KAZN: variants seen among roughly 807,000 people sequenced by gnomAD.
KAZN encodes kazrin.
A neutral mutation model predicts 87.4 loss-of-function variants in KAZN; 40 were observed. The ratio of observed to expected loss-of-function variants is 0.46; its 90% confidence interval spans 0.36 to 0.60. The LOEUF is 0.60. KAZN is among the 20% of genes least tolerant of loss of function. KAZN has a pLI of 0.00. For synonymous variants in KAZN, 466 were observed against 458.3 expected (o/e 1.02, Z -0.22); for missense variants, 898 against 1,073.9 (o/e 0.84, Z 2.29).
chr1:14,743,883 G>C (rs1162277797), intron 1 of KAZN, among the ~76,000 whole-genome samples: 1 of 152,124 alleles, frequency 6.6e-6, no homozygotes, highest in East Asian at 1.9e-4. Context: ...TGGAGACAGG[G>C]GCCCATCCAT....
At chr1:14,665,291 C>CT (rs36089759) in intron 1 of KAZN, among the ~76,000 whole-genome samples, 34,132 of 147,696 alleles carry the variant, frequency 0.23, 4,087 homozygotes, top group South Asian at 0.31. Context: ...GTGGCTGCCT[C>CT]TTTTTTTTTT....
chr1:14,263,309 C>T (rs540825219), intron 2 of KAZN, among the ~76,000 whole-genome samples: 3 of 152,246 alleles, frequency 2.0e-5, no homozygotes, highest in African/African-American at 7.2e-5. Flanking sequence ...TGTAACAACT[C>T]GAAAGATGAT....
chr1:15,064,018 G>A (rs555015517), intron 7 of KAZN, among the ~76,000 whole-genome samples: 4 of 152,348 alleles, frequency 2.6e-5, no homozygotes, highest in Admixed American at 6.5e-5. Flanking sequence ...CATGTCCTCC[G>A]TCCTGATGCC....
In KAZN at chr1:14,883,344, A is replaced by AG. The variant is rs1557586164; in HGVS notation, c.227-77340_227-77339insG. Among the ~76,000 whole-genome samples the AG allele has an allele frequency of 3.3e-3, 98 of 29,672 alleles. 19 individuals carry two copies. Among genetic ancestry groups the AG allele is most frequent in the Admixed American group, 6.1e-3 (12 of 1,976 alleles). 19.5% of individuals were successfully genotyped at this position (29,672 alleles called of 152,430 possible). A position where few individuals can be genotyped will look rare whatever the true frequency, so the allele number is the denominator to read the frequency against. ...AGAGAGAGAGAGAGAGAGAGAGAGA[A>AG]AGAAAGAAAGAAAAGAAAGAAAGAA... On this transcript the variant is annotated intron_variant, in intron 1 of 14. Coordinates refer to ENST00000376030, the MANE Select transcript of KAZN (RefSeq NM_201628.3).
In KAZN at chr1:14,306,205, A is replaced by G. The variant is rs185029621; in HGVS notation, c.249+125613A>G. On this transcript the variant is annotated intron_variant, in intron 2 of 16. Coordinates refer to the KAZN transcript ENST00000636203. ...GGAGAACATTAGCACAGCTTGGGCAAAAGTGCTTTGTGAAAAAATTAAATC... is the reference window on the plus strand; with the variant it reads ...GGAGAACATTAGCACAGCTTGGGCAGAAGTGCTTTGTGAAAAAATTAAATC... Among the ~76,000 whole-genome samples, 498 of 152,318 alleles carry G rather than the reference A, an allele frequency of 3.3e-3. 7 individuals carry two copies. The highest frequency in any genetic ancestry group is 2.3e-3 in the East Asian group (12 of 5,180).
chr1:14,329,272 T>C (rs1422421116), intron 2 of KAZN, among the ~76,000 whole-genome samples: 1 of 150,420 alleles, frequency 6.6e-6, no homozygotes, highest in East Asian at 2.0e-4. Context: ...TCCAGGAAAA[T>C]GTTCTGTTGG....
chr1:14,417,676 G>A (rs1178244813), intron 2 of KAZN, among the ~76,000 whole-genome samples: 1 of 152,034 alleles, frequency 6.6e-6, no homozygotes, highest in East Asian at 1.9e-4. Flanking sequence ...ATCAGAAAAA[G>A]ACTGTCATCT....
chr1:14,625,912 C>T (rs1176466986), intron 1 of KAZN, among the ~76,000 whole-genome samples: 1 of 152,194 alleles, frequency 6.6e-6, no homozygotes, highest in African/African-American at 2.4e-5. Context: ...CCTGGCCGCA[C>T]CCATATTCAT....
chr1:14,004,700 T>A (rs913450055), intron 1 of KAZN, among the ~76,000 whole-genome samples: 16 of 152,040 alleles, frequency 1.1e-4, no homozygotes, highest in African/African-American at 3.6e-4. Flanking sequence ...TGCACTTTTG[T>A]ACATAGTGTT....
intron 1 of KAZN, chr1:14,924,121 G>C (rs1190852353): frequency 8.1e-6 from 8 of 982,584 alleles, no homozygotes; most frequent in South Asian, 4.6e-5. Context: ...GAGGAGCCGC[G>C]GGACTGAGAG....
rs1224473592 is a variant in KAZN at position 14,735,540 on chromosome 1, C to T, written c.226+136317C>T. On this transcript the variant is annotated intron_variant, in intron 1 of 14. Coordinates refer to ENST00000376030, the MANE Select transcript of KAZN (RefSeq NM_201628.3). This position sits in a 1 kb window ranked among gnomAD's most constrained non-coding sequence, Gnocchi z 4.3. ...TCAAAGCCTCGCTGGTAGCCAGGCT[C>T]AGAGAGAATGTGCTAAACCCCACAC... is the stretch of plus-strand genomic sequence containing the variant. Among the ~76,000 whole-genome samples the T allele has an allele frequency of 2.6e-5, 4 of 152,138 alleles. No homozygotes were observed. The highest frequency in any genetic ancestry group is 4.8e-5 in the African/African-American group (2 of 41,418).
intron 1 of KAZN, among the ~76,000 whole-genome samples, chr1:14,712,662 C>G (rs1433108265): frequency 6.6e-6 from 1 of 152,178 alleles, no homozygotes; most frequent in African/African-American, 2.4e-5. Flanking sequence ...CAGTCCCTGA[C>G]AGTTGCTAAA....
intron 1 of KAZN, among the ~76,000 whole-genome samples, chr1:14,679,201 T>A (rs1640420749): frequency 6.6e-6 from 1 of 152,076 alleles, no homozygotes; most frequent in African/African-American, 2.4e-5. Context: ...CCAGGCCATG[T>A]AGGGCCGCAT....
chr1:14,956,246 G>A (rs1403008543), intron 1 of KAZN, among the ~76,000 whole-genome samples: 1 of 141,562 alleles, frequency 7.1e-6, no homozygotes, highest in African/African-American at 2.8e-5. Flanking sequence ...CTGGACAATA[G>A]TAAACAATCT....
At chr1:14,018,119 GCATAGAGT>G (rs1204366338) in intron 1 of KAZN, among the ~76,000 whole-genome samples, 1 of 152,190 alleles carries the variant, frequency 6.6e-6, no homozygotes, top group East Asian at 1.9e-4. Context: ...TGGCTAGCTA[GCATAGAGT>G]CACCTTACAC....
intron 1 of KAZN, among the ~76,000 whole-genome samples, chr1:14,122,720 G>A (rs1463948167): frequency 6.6e-6 from 1 of 152,172 alleles, no homozygotes; most frequent in Non-Finnish European, 1.5e-5. Context: ...TAGGCTGTGA[G>A]CATTGAAACA....
At chr1:14,883,295 C>CAAAAA (rs1653540510) in intron 1 of KAZN, among the ~76,000 whole-genome samples, 1 of 97,652 alleles carries the variant, frequency 1.0e-5, no homozygotes, top group African/African-American at 4.1e-5. Flanking sequence ...AACTCCATCT[C>CAAAAA]AAAAGAAAGA....
chr1:14,380,322 A>G (rs1188227651), intron 2 of KAZN, among the ~76,000 whole-genome samples: 1 of 152,226 alleles, frequency 6.6e-6, no homozygotes, highest in East Asian at 1.9e-4. Context: ...AAAAACAAAC[A>G]TAAGCATCCA....
chr1:14,841,803 C>A (rs1486720208), intron 1 of KAZN, among the ~76,000 whole-genome samples: 1 of 152,196 alleles, frequency 6.6e-6, no homozygotes, highest in Non-Finnish European at 1.5e-5. Context: ...AATGAATGCA[C>A]CAGGCAATGG....
Sources: allele counts gnomAD v4.1 joint callset (sites outside exome capture counted in the v4.1 genomes callset), GRCh38; gene constraint gnomAD v4.1.1; non-coding constraint Gnocchi (gnomAD v3.1); transcripts MANE v1.5; gene names NCBI Gene and HGNC (gene_info 2026-07-23, HGNC 2026-07-21).